Variants in RGS6 observed in about 807,000 individuals in gnomAD.
RGS6 encodes regulator of G protein signaling 6, also known as regulator of G-protein signaling 6.
A neutral mutation model predicts 78.5 loss-of-function variants in RGS6; 30 were observed. The ratio of observed to expected loss-of-function variants is 0.38; its 90% confidence interval spans 0.29 to 0.52. RGS6 has a LOEUF of 0.52. Among genes scored for constraint, RGS6 ranks in the 20% least tolerant of loss-of-function variants. The pLI, the probability that RGS6 is intolerant of heterozygous loss-of-function variation, is 0.85. For missense variants in RGS6, 495 were observed against 609.7 expected (o/e 0.81, Z 1.98); for synonymous variants, 206 against 206.0 (o/e 1.00, Z 0.00).
chr14:72,106,604 T>C (rs2095637949), intron 2 of RGS6, among the ~76,000 whole-genome samples: 1 of 152,216 alleles, frequency 6.6e-6, no homozygotes, highest in Non-Finnish European at 1.5e-5. Flanking sequence ...TTTCCAGTAA[T>C]TACTCCCTTG....
intron 2 of RGS6, among the ~76,000 whole-genome samples, chr14:72,243,617 G>A (rs1221124622): frequency 6.6e-6 from 1 of 152,138 alleles, no homozygotes; most frequent in Non-Finnish European, 1.5e-5. Flanking sequence ...TTCTATTTCA[G>A]CCAGATAAAC....
At chr14:72,164,562 A>G (rs963406166) in intron 2 of RGS6, among the ~76,000 whole-genome samples, 1 of 152,166 alleles carries the variant, frequency 6.6e-6, no homozygotes, top group Non-Finnish European at 1.5e-5. Flanking sequence ...TGATATGGGG[A>G]TTATTTTCCA....
chr14:71,990,926 C>T (rs964032744), intron 2 of RGS6: 47 of 444,428 alleles, frequency 1.1e-4, no homozygotes, highest in African/African-American at 6.0e-4. Context: ...TAGTTGGCAT[C>T]GGAGGCAGAA....
intron 3 of RGS6, among the ~76,000 whole-genome samples, chr14:72,425,567 A>G (rs1188915242): frequency 6.6e-6 from 1 of 152,252 alleles, no homozygotes; most frequent in African/African-American, 2.4e-5. Flanking sequence ...CAATAAATGT[A>G]TTAGAAACAT....
chr14:72,016,155 T>G (rs1477604177), intron 2 of RGS6, among the ~76,000 whole-genome samples: 1 of 152,246 alleles, frequency 6.6e-6, no homozygotes, highest in Admixed American at 6.5e-5. Context: ...AATAATTTCC[T>G]ATACATTCTT....
the RGS6 span, among the ~76,000 whole-genome samples, chr14:71,904,334 G>A: frequency 3.3e-5 from 5 of 152,210 alleles, no homozygotes; most frequent in African/African-American, 1.2e-4. Context: ...GATTGATTTA[G>A]AAGTGGTCCT....
At chr14:71,893,927 A>C in the RGS6 span, among the ~76,000 whole-genome samples, 1 of 152,198 alleles carries the variant, frequency 6.6e-6, no homozygotes, top group East Asian at 1.9e-4. Flanking sequence ...TTGTGATCTG[A>C]GTAGTAAATC....
intron 2 of RGS6, among the ~76,000 whole-genome samples, chr14:71,980,038 T>A (rs2094363996): frequency 7.2e-6 from 1 of 139,714 alleles, no homozygotes; most frequent in African/African-American, 2.7e-5. Flanking sequence ...TCTCTTTTGA[T>A]CTTTGTTGGT....
intron 2 of RGS6, among the ~76,000 whole-genome samples, chr14:72,168,659 T>C (rs934094819): frequency 6.6e-6 from 1 of 152,238 alleles, no homozygotes; most frequent in African/African-American, 2.4e-5. Flanking sequence ...CTAATATAGC[T>C]ACTAACAAGT....
intron 2 of RGS6, among the ~76,000 whole-genome samples, chr14:72,048,627 A>G (rs933898339): frequency 3.3e-5 from 5 of 152,188 alleles, no homozygotes; most frequent in Admixed American, 6.5e-5. Context: ...TTTGGGAGAT[A>G]CTAGGTTAGC....
chr14:72,106,817 A>T lies in RGS6; in HGVS notation c.84+141942A>T, dbSNP rs112114660. ...TTTGCTGGTTGTGTACTCATGGTGCAGTGTAACATGTTCCTCTGAACTTCC... is the reference window on the plus strand; with the variant it reads ...TTTGCTGGTTGTGTACTCATGGTGCTGTGTAACATGTTCCTCTGAACTTCC... On this transcript the variant is annotated intron_variant, in intron 2 of 17. Coordinates refer to ENST00000553525, the MANE Select transcript of RGS6 (RefSeq NM_001204424.2). 1.9e-4 allele frequency among the ~76,000 whole-genome samples: 29 copies of T among 152,300 alleles called. 1 individual carries two copies. Among genetic ancestry groups the T allele is most frequent in the African/African-American group, 7.0e-4 (29 of 41,574 alleles).
At chr14:72,005,150 C>T (rs913581141) in intron 2 of RGS6, among the ~76,000 whole-genome samples, 2 of 152,114 alleles carry the variant, frequency 1.3e-5, no homozygotes, top group Non-Finnish European at 1.5e-5. Flanking sequence ...TACCTATGTA[C>T]TTCTAATGAG....
intron 1 of RGS6, among the ~76,000 whole-genome samples, chr14:71,954,702 G>A (rs1024663929): frequency 6.6e-6 from 1 of 152,118 alleles, no homozygotes; most frequent in African/African-American, 2.4e-5. Flanking sequence ...GTCTGCTGAT[G>A]AGCCCATGGA....
At chr14:72,552,110 G>A (rs1311302350) in intron 17 of RGS6, among the ~76,000 whole-genome samples, 1 of 152,194 alleles carries the variant, frequency 6.6e-6, no homozygotes, top group East Asian at 1.9e-4. Flanking sequence ...TATACATCTT[G>A]TGGTTGAGGG....
At chr14:72,188,563 ACT>A (rs1334316409) in intron 2 of RGS6, among the ~76,000 whole-genome samples, 11 of 151,492 alleles carry the variant, frequency 7.3e-5, no homozygotes, top group African/African-American at 2.7e-4. Flanking sequence ...TACCTCAACA[ACT>A]CTCTTCATTT....
In RGS6 at chr14:72,341,424, C is replaced by T. The variant is rs1197062492; in HGVS notation, c.85-10671C>T. 3.9e-5 allele frequency among the ~76,000 whole-genome samples: 6 copies of T among 152,180 alleles called. No homozygotes were observed. In the East Asian group the frequency reaches 5.8e-4, roughly 15 times the overall value. ...ATTCAACATGAGATTTGGGTGGGGA[C>T]ACAGGGCCAAACCATAGTAACATGT... On this transcript the variant is annotated intron_variant, in intron 2 of 17. Transcript: ENST00000553525.
chr14:71,890,380 G>GAGAGAGAGAGAGAGAGAGAGAA, the RGS6 span, among the ~76,000 whole-genome samples: 1 of 151,878 alleles, frequency 6.6e-6, no homozygotes, highest in Non-Finnish European at 1.5e-5. Flanking sequence ...GAGAGAGAGA[G>GAGAGAGAGAGAGAGAGAGAGAA]AGAGAGAGAG....
intron 3 of RGS6, among the ~76,000 whole-genome samples, chr14:72,389,558 G>C (rs2089353440): frequency 6.6e-6 from 1 of 152,194 alleles, no homozygotes; most frequent in African/African-American, 2.4e-5. Flanking sequence ...GCATCAAAGA[G>C]CAAGGTTCTG....
At chr14:72,177,058 A>G (rs1319980346) in intron 2 of RGS6, among the ~76,000 whole-genome samples, 2 of 152,124 alleles carry the variant, frequency 1.3e-5, no homozygotes, top group Non-Finnish European at 2.9e-5. Flanking sequence ...AAGATTTTGC[A>G]TGTATCATTT....
Sources: allele counts gnomAD v4.1 joint callset (sites outside exome capture counted in the v4.1 genomes callset), GRCh38; gene constraint gnomAD v4.1.1; transcripts MANE v1.5; gene names NCBI Gene and HGNC (gene_info 2026-07-23, HGNC 2026-07-21).